ACTN2: variants seen among roughly 807,000 people sequenced by gnomAD.
ACTN2 encodes alpha-actinin-2.
ACTN2 carries 39 observed loss-of-function variants against 113.8 expected under a neutral mutation model. That is an observed-to-expected ratio of 0.34 (90% CI 0.27 to 0.45). The LOEUF is 0.45. ACTN2 is among the 20% of genes least tolerant of loss of function. The pLI, the probability that ACTN2 is intolerant of heterozygous loss-of-function variation, is 1.00. For missense variants in ACTN2, 992 were observed against 1,177.9 expected, an observed-to-expected ratio of 0.84 and a Z score of 2.31; for synonymous variants, 429 against 444.1, an observed-to-expected ratio of 0.97 and a Z score of 0.43.
intron 1 of ACTN2, among the ~76,000 whole-genome samples, chr1:236,711,744 G>A (rs1558228865): frequency 6.6e-6 from 1 of 152,116 alleles, no homozygotes; most frequent in Non-Finnish European, 1.5e-5. Context: ...CTTTTTATGT[G>A]CCTACTTTTT....
intron 1 of ACTN2, among the ~76,000 whole-genome samples, chr1:236,717,397 A>G (rs978149233): frequency 6.6e-6 from 1 of 152,134 alleles, no homozygotes; most frequent in African/African-American, 2.4e-5. Flanking sequence ...TGATCACACC[A>G]CTGTTCTCCA....
intron 1 of ACTN2, among the ~76,000 whole-genome samples, chr1:236,709,684 C>T (rs1247316164): frequency 1.3e-5 from 2 of 151,986 alleles, no homozygotes; most frequent in Non-Finnish European, 2.9e-5. Flanking sequence ...CAGCAGCACC[C>T]CAGACCATTT....
chr1:236,727,621 T>G, intron 5 of ACTN2, 57 bp from the exon 6 acceptor site: 1 of 1,579,634 alleles, frequency 6.3e-7, no homozygotes, highest in Non-Finnish European at 8.7e-7. Context: ...GTGCAGATGC[T>G]GGCTGCTTCT....
chr1:236,710,704 GCTCC>G (rs1314489780), intron 1 of ACTN2, among the ~76,000 whole-genome samples: 2 of 152,188 alleles, frequency 1.3e-5, no homozygotes, highest in Non-Finnish European at 2.9e-5. Context: ...AGCAGAAGCT[GCTCC>G]CCATTGCCCG....
chr1:236,718,784 A>G, intron 2 of ACTN2, 110 bp from the exon 3 acceptor site: 1 of 1,480,600 alleles, frequency 6.8e-7, no homozygotes, highest in Non-Finnish European at 9.4e-7. Flanking sequence ...AGAAATAGTC[A>G]TGTAACCTTC....
chr1:236,719,100 T>A, intron 3 of ACTN2, 87 bp downstream of exon 3: 1 of 1,573,954 alleles, frequency 6.4e-7, no homozygotes, highest in South Asian at 1.1e-5. Context: ...CCTTCTTCCC[T>A]CCCTTTCACC....
Position 236,717,977 on chromosome 1 carries a change from G to T in ACTN2, c.241+5G>T. The T allele has an allele frequency of 6.2e-7, 1 of 1,602,846 alleles. No homozygotes were observed. Among genetic ancestry groups the T allele is most frequent in the Non-Finnish European group, 8.5e-7 (1 of 1,170,174 alleles). Reference sequence around the variant, plus strand: ...TGCTTTTGGAAGTCATCTCAGGTTGGTGTTATATATCCCATCCTATGCTTT... The same window carrying T: ...TGCTTTTGGAAGTCATCTCAGGTTGTTGTTATATATCCCATCCTATGCTTT... On this transcript the variant is annotated splice_donor_5th_base_variant and intron_variant, in intron 2 of 20. Coordinates refer to ENST00000366578, the MANE Select transcript of ACTN2 (RefSeq NM_001103.4).
At chr1:236,695,761 G>A (rs1265775186) in intron 1 of ACTN2, among the ~76,000 whole-genome samples, 2 of 152,170 alleles carry the variant, frequency 1.3e-5, no homozygotes, top group Non-Finnish European at 2.9e-5. Flanking sequence ...GTGGTCCTGG[G>A]AAAGAACTGG....
chr1:236,737,297 G>GTGTATATATATATATA, intron 9 of ACTN2, 83 bp downstream of exon 9: 2 of 318,340 alleles, frequency 6.3e-6, no homozygotes, highest in African/African-American at 2.8e-5. Flanking sequence ...CTCCGTGGGG[G>GTGTATATATATATATA]CATATATATA....
chr1:236,712,936 A>T (rs1490565499), intron 1 of ACTN2, among the ~76,000 whole-genome samples: 1 of 148,874 alleles, frequency 6.7e-6, no homozygotes, highest in Non-Finnish European at 1.5e-5. Context: ...TTTTTTTTTA[A>T]CAACCTACTA....
chr1:236,746,095 G>A (rs537408483), intron 12 of ACTN2, among the ~76,000 whole-genome samples: 22 of 148,282 alleles, frequency 1.5e-4, no homozygotes, highest in African/African-American at 5.2e-4. Flanking sequence ...GAACCCGGGA[G>A]GCGGAACTTG....
At chr1:236,736,920 T>TGTGTGAAAACTGTAACAAAG in intron 8 of ACTN2, 1 of 626,150 alleles carries the variant, frequency 1.6e-6, no homozygotes, top group Non-Finnish European at 2.9e-6. Context: ...CGTGTAAGTC[T>TGTGTGAAAACTGTAACAAAG]GTGTGAAAAC....
chr1:236,695,253 C>T (rs1445126835), intron 1 of ACTN2, among the ~76,000 whole-genome samples: 5 of 150,748 alleles, frequency 3.3e-5, no homozygotes, highest in Non-Finnish European at 5.9e-5. Context: ...TGATGTCTGC[C>T]CATAATCCCA....
intron 12 of ACTN2, among the ~76,000 whole-genome samples, chr1:236,745,396 T>C (rs982396319): frequency 1.3e-5 from 2 of 152,088 alleles, no homozygotes; most frequent in Non-Finnish European, 2.9e-5. Context: ...ATCGCGCCAC[T>C]GCACTCCAGC....
intron 7 of ACTN2, 111 bp from the exon 8 acceptor site, chr1:236,735,524 C>T: frequency 1.1e-6 from 1 of 951,462 alleles, no homozygotes; most frequent in Non-Finnish European, 1.7e-6. Flanking sequence ...GAAATCTGGT[C>T]AGTGTAAACC....
At chr1:236,753,869 G>GAAA in intron 15 of ACTN2, 78 bp from the exon 16 acceptor site, 3 of 1,250,284 alleles carry the variant, frequency 2.4e-6, no homozygotes, top group Non-Finnish European at 3.4e-6. Context: ...CCACCCCTTG[G>GAAA]ACTATTCCCG....
chr1:236,739,250 G>C (rs1337157511), intron 9 of ACTN2, 52 bp from the exon 10 acceptor site: 7 of 1,574,062 alleles, frequency 4.4e-6, no homozygotes, highest in Non-Finnish European at 6.1e-6. Flanking sequence ...TTTTTAACTG[G>C]GGGAGGGGGC....
chr1:236,741,472 CAA>C (rs984385425), intron 10 of ACTN2, among the ~76,000 whole-genome samples: 14 of 152,156 alleles, frequency 9.2e-5, no homozygotes, highest in Middle Eastern at 3.2e-3. Context: ...TGAACATATC[CAA>C]AAGAGTTCCT....
rs776947613 is a variant in ACTN2, at chr1:236,744,695, G to A, written c.1325G>A (p.Arg442Gln). ...CTGACAGAGGTGCGGGCTCTGCTGCGGAAGCACGAGGCGTTCGAGAGCGAC... is the reference window on the plus strand; with the variant it reads ...CTGACAGAGGTGCGGGCTCTGCTGCAGAAGCACGAGGCGTTCGAGAGCGAC... ...ASLTEVRALL[R>Q]KHEAFESDLA... Residue 442 changes from arginine (R) to glutamine (Q), a missense_variant, in exon 12 of 21, where the codon CGG becomes CAG. Around this residue, in one of 3 missense-constraint regions of ACTN2, gnomAD observed 736 missense variants for 815.4 expected, o/e 0.90. Transcript: ENST00000366578. 24 of 1,614,082 alleles carry A rather than the reference G, an allele frequency of 1.5e-5. No homozygotes were observed. Among genetic ancestry groups the A allele is most frequent in the Non-Finnish European group, 1.9e-5 (22 of 1,180,044 alleles).
Sources: gnomAD v4.1 joint callset for allele counts (sites outside exome capture counted in the v4.1 genomes callset) on GRCh38, gnomAD v4.1.1 for gene constraint, gnomAD v4.1.1 regional missense constraint, MANE v1.5 for transcripts, NCBI Gene and HGNC (gene_info 2026-07-23, HGNC 2026-07-21) for gene names.